Variants in MAGI1 observed in about 807,000 individuals in gnomAD.
MAGI1 encodes the protein membrane-associated guanylate kinase, WW and PDZ domain-containing protein 1.
In MAGI1, 58 loss-of-function variants were observed where a neutral mutation model predicts 139.9. That is an observed-to-expected ratio of 0.41 (90% confidence interval 0.34 to 0.52). The LOEUF (loss-of-function observed/expected upper bound fraction) is 0.52. MAGI1 is among the 20% of genes least tolerant of loss of function. MAGI1 has a pLI of 0.12. For synonymous variants in MAGI1, 812 were observed against 737.9 expected (o/e 1.10, Z -1.63); for missense variants, 1,874 against 1,901.6 (o/e 0.99, Z 0.27).
chr3:65,597,895 C>A lies in MAGI1; in HGVS notation c.430+24077G>T, dbSNP rs369096684. 22 of 441,884 alleles carry A rather than the reference C, an allele frequency of 5.0e-5. No homozygotes were observed. In the East Asian group the frequency reaches 1.2e-3, roughly 23 times the overall value. 27.4% of individuals were successfully genotyped at this position (441,884 alleles called of 1,614,324 possible). ...CGCCTCCCACCACGCTGGTCCTTGG[C>A]TCTGCAGCGGCTGTAAAGAGAGGCG... On this transcript the variant is annotated intron_variant, in intron 2 of 22. Transcript: ENST00000402939.
Position 65,451,416 on chromosome 3 carries a change from T to C in MAGI1, c.1042+1842A>G, listed in dbSNP as rs530334113. Among the ~76,000 whole-genome samples the C allele has an allele frequency of 4.7e-4, 72 of 152,306 alleles. No homozygotes were observed. In the South Asian group the frequency reaches 9.1e-3, roughly 19 times the overall value. On this transcript the variant is annotated intron_variant, in intron 6 of 22. Coordinates refer to ENST00000402939, the MANE Select transcript of MAGI1 (RefSeq NM_001033057.2). ...GGGTTGAATGTGTTTTATGCTATGA[T>C]CTTTGAAAACTGGTTATTTATGTTC...
intron 2 of MAGI1, among the ~76,000 whole-genome samples, chr3:65,547,329 G>C (rs1408354266): frequency 6.6e-6 from 1 of 152,084 alleles, no homozygotes; most frequent in Non-Finnish European, 1.5e-5. Context: ...TCTCTATAAA[G>C]GGTATGACAC....
intron 2 of MAGI1, among the ~76,000 whole-genome samples, chr3:65,600,584 C>T (rs1055570298): frequency 1.3e-5 from 2 of 152,138 alleles, no homozygotes; most frequent in Non-Finnish European, 2.9e-5. Context: ...TCTCTTTTGT[C>T]GCACACACAA....
At chr3:65,757,926 A>C (rs1400498735) in intron 1 of MAGI1, among the ~76,000 whole-genome samples, 1 of 152,206 alleles carries the variant, frequency 6.6e-6, no homozygotes, top group Non-Finnish European at 1.5e-5. Context: ...AGAGACACAT[A>C]ATCTTCTCTA....
At chr3:65,608,571 A>C (rs2082871197) in intron 2 of MAGI1, among the ~76,000 whole-genome samples, 1 of 152,256 alleles carries the variant, frequency 6.6e-6, no homozygotes, top group Admixed American at 6.5e-5. Flanking sequence ...ATGCAAATTA[A>C]GATCACAATG....
intron 9 of MAGI1, among the ~76,000 whole-genome samples, chr3:65,439,279 T>C (rs947796803): frequency 2.0e-5 from 3 of 152,168 alleles, no homozygotes; most frequent in African/African-American, 7.2e-5. Context: ...TACGTATAAA[T>C]TATTATCAGA....
chr3:65,883,559 C>T (rs747131179), intron 1 of MAGI1, among the ~76,000 whole-genome samples: 1 of 152,174 alleles, frequency 6.6e-6, no homozygotes, highest in Non-Finnish European at 1.5e-5. Context: ...GGAAGACCAC[C>T]CAGTTTACAT....
chr3:65,580,118 T>G (rs1342558409), intron 2 of MAGI1, among the ~76,000 whole-genome samples: 5 of 152,134 alleles, frequency 3.3e-5, no homozygotes, highest in Admixed American at 2.6e-4. Context: ...ATGTATCTGT[T>G]CATTGAGAAA....
intron 2 of MAGI1, among the ~76,000 whole-genome samples, chr3:65,564,315 T>C (rs1435781072): frequency 1.3e-5 from 2 of 152,162 alleles, no homozygotes; most frequent in African/African-American, 4.8e-5. Context: ...CCTTTTACAA[T>C]TACAATGTGC....
intron 1 of MAGI1, among the ~76,000 whole-genome samples, chr3:65,898,826 TTA>T (rs1415424097): frequency 1.3e-5 from 2 of 152,200 alleles, no homozygotes; most frequent in African/African-American, 4.8e-5. Flanking sequence ...TCACTATACA[TTA>T]TATGTTTTCA....
rs577207420 is a variant in MAGI1 at position 65,379,824 on chromosome 3, C to T, written c.2702-270G>A. Among the ~76,000 whole-genome samples the T allele has an allele frequency of 4.6e-5, 7 of 152,262 alleles. No individual in the cohort carries two copies. The East Asian group carries it at 1.2e-3, about 25-fold the overall frequency. On this transcript the variant is annotated intron_variant, in intron 16 of 22. Coordinates refer to ENST00000402939, the MANE Select transcript of MAGI1 (RefSeq NM_001033057.2). ...TTGTTTATAGCATGCTATATGTCGA[C>T]ATCCACACTCAGAATCAAGTCTGCA...
intron 2 of MAGI1, among the ~76,000 whole-genome samples, chr3:65,598,043 G>A (rs139121292): frequency 6.6e-6 from 1 of 152,358 alleles, no homozygotes; most frequent in East Asian, 1.9e-4. Flanking sequence ...GATGGTGCGA[G>A]AAGGGAGAGA....
chr3:65,486,095 G>C (rs916764541), intron 3 of MAGI1, among the ~76,000 whole-genome samples: 5 of 152,116 alleles, frequency 3.3e-5, no homozygotes, highest in African/African-American at 1.2e-4. Context: ...TCTTTAACCA[G>C]AAACAAGAAC....
chr3:65,544,740 C>T (rs1404442591), intron 2 of MAGI1, among the ~76,000 whole-genome samples: 4 of 152,050 alleles, frequency 2.6e-5, no homozygotes, highest in Non-Finnish European at 5.9e-5. Flanking sequence ...ACGAGCAACC[C>T]CAATGCCTAA....
At chr3:65,379,222 T>G (rs777988890) in intron 17 of MAGI1, 39 bp downstream of exon 17, 1 of 1,607,676 alleles carries the variant, frequency 6.2e-7, no homozygotes, top group Non-Finnish European at 8.5e-7. Flanking sequence ...CTCCCAGGCA[T>G]GGTGGGAAAC....
At chr3:65,422,641 C>G (rs140364427) in intron 12 of MAGI1, among the ~76,000 whole-genome samples, 13 of 152,224 alleles carry the variant, frequency 8.5e-5, no homozygotes, top group Admixed American at 2.6e-4. Context: ...AACCAAGTCC[C>G]TTATCTGAGG....
chr3:65,857,562 T>C, intron 1 of MAGI1, among the ~76,000 whole-genome samples: 1 of 152,146 alleles, frequency 6.6e-6, no homozygotes, highest in African/African-American at 2.4e-5. Flanking sequence ...AGCTAATCGC[T>C]CAGGCTGCCT....
intron 1 of MAGI1, among the ~76,000 whole-genome samples, chr3:65,641,155 T>C (rs1576572906): frequency 6.6e-6 from 1 of 151,518 alleles, no homozygotes; most frequent in Non-Finnish European, 1.5e-5. Context: ...AGTAAGAACC[T>C]GAAGGGATTC....
At chr3:65,798,171 G>T (rs2040268517) in intron 1 of MAGI1, among the ~76,000 whole-genome samples, 1 of 151,464 alleles carries the variant, frequency 6.6e-6, no homozygotes, top group Admixed American at 6.6e-5. Context: ...GGGCATGGTG[G>T]GGTGTGCCTG....
Sources: gnomAD v4.1 joint callset for allele counts (sites outside exome capture counted in the v4.1 genomes callset) on GRCh38, gnomAD v4.1.1 for gene constraint, MANE v1.5 for transcripts, NCBI Gene and HGNC (gene_info 2026-07-23, HGNC 2026-07-21) for gene names.